EPHB1: variants seen among roughly 807,000 people sequenced by gnomAD.
EPHB1 encodes the protein ephrin type-B receptor 1.
In EPHB1, 30 loss-of-function variants were observed where a neutral mutation model predicts 94.4. The ratio of observed to expected loss-of-function variants is 0.32; its 90% CI spans 0.24 to 0.43. The LOEUF is 0.43. Ranked by LOEUF, EPHB1 falls within the 20% of genes least tolerant of loss-of-function variation. The probability of loss-of-function intolerance (pLI) is 1.00; values close to 1 mark genes in which losing one functional copy is unlikely to be tolerated. For missense variants in EPHB1, 1,055 were observed against 1,308.3 expected, an observed-to-expected ratio of 0.81 and a Z score of 2.99; for synonymous variants, 522 against 489.1, an observed-to-expected ratio of 1.07 and a Z score of -0.89.
intron 3 of EPHB1, among the ~76,000 whole-genome samples, chr3:135,091,491 A>G (rs1938549187): frequency 6.6e-6 from 1 of 152,170 alleles, no homozygotes; most frequent in African/African-American, 2.4e-5. Context: ...TTGATTAGCA[A>G]TGTCTGCCAC....
At chr3:134,845,467 T>C (rs766944410) in intron 1 of EPHB1, among the ~76,000 whole-genome samples, 21 of 152,336 alleles carry the variant, frequency 1.4e-4, no homozygotes, top group Middle Eastern at 3.4e-3. Context: ...AAAAAATAAC[T>C]TGCAAAGCTG....
chr3:135,081,293 A>C (rs570542305), intron 3 of EPHB1, among the ~76,000 whole-genome samples: 249 of 152,318 alleles, frequency 1.6e-3, no homozygotes, highest in African/African-American at 4.9e-3. Flanking sequence ...TAGAAAAAAA[A>C]CCTGTGTATT....
chr3:135,111,040 A>T (rs1034504641), intron 4 of EPHB1, among the ~76,000 whole-genome samples: 1 of 152,170 alleles, frequency 6.6e-6, no homozygotes, highest in Non-Finnish European at 1.5e-5. Flanking sequence ...ACAGAAACAG[A>T]ATGACGTCCT....
At chr3:135,046,237 A>G (rs566228406) in intron 3 of EPHB1, among the ~76,000 whole-genome samples, 2 of 152,250 alleles carry the variant, frequency 1.3e-5, no homozygotes, top group Non-Finnish European at 2.9e-5. Flanking sequence ...AGACCAAAAA[A>G]GTTTGAGAAC....
chr3:135,203,424 G>A (rs762717857), intron 12 of EPHB1, among the ~76,000 whole-genome samples: 1 of 151,988 alleles, frequency 6.6e-6, no homozygotes, highest in South Asian at 2.1e-4. Context: ...TTAAAAAAAA[G>A]AATAAAAAAT....
rs1424213544 is a variant in EPHB1 at position 135,076,260 on chromosome 3, T to TATATATATATAA, written c.806-30187_806-30186insTATATATATAAA. Among the ~76,000 whole-genome samples, 106 of 104,332 alleles carry TATATATATATAA rather than the reference T, an allele frequency of 1.0e-3. 4 individuals carry two copies. The highest frequency in any genetic ancestry group is 3.7e-3 in the African/African-American group (102 of 27,632). 68.4% of individuals were successfully genotyped at this position (104,332 alleles called of 152,430 possible). Reference sequence around the variant, plus strand: ...ATATATATATATATATATATATATATAACTCTTAAATGCATTAGTAAAAAG... The same window carrying TATATATATATAA: ...ATATATATATATATATATATATATATATATATATATAAAACTCTTAAATGCATTAGTAAAAAG... On this transcript the variant is annotated intron_variant, in intron 3 of 15. Coordinates refer to ENST00000398015, the MANE Select transcript of EPHB1 (RefSeq NM_004441.5).
intron 1 of EPHB1, among the ~76,000 whole-genome samples, chr3:134,814,856 C>T (rs1046115362): frequency 1.3e-5 from 2 of 152,188 alleles, no homozygotes; most frequent in Admixed American, 1.3e-4. Flanking sequence ...TTTGGTGTCA[C>T]CACTCGGTGT....
At chr3:135,113,268 G>A (rs186678387) in intron 4 of EPHB1, among the ~76,000 whole-genome samples, 2 of 152,292 alleles carry the variant, frequency 1.3e-5, no homozygotes, top group African/African-American at 4.8e-5. Context: ...CATCAGGAAG[G>A]GTCAGCGTTG....
intron 5 of EPHB1, among the ~76,000 whole-genome samples, chr3:135,144,645 C>A (rs1359052478): frequency 6.6e-6 from 1 of 152,158 alleles, no homozygotes; most frequent in Admixed American, 6.5e-5. Flanking sequence ...CCTCAACCCC[C>A]ACCTGTCACC....
chr3:134,809,447 A>G (rs1342954195), intron 1 of EPHB1, among the ~76,000 whole-genome samples: 2 of 152,086 alleles, frequency 1.3e-5, no homozygotes, highest in African/African-American at 4.8e-5. Flanking sequence ...TTTCCCAATC[A>G]GGAGAAAGTA....
chr3:135,253,316 G>C (rs1219419400), intron 15 of EPHB1, among the ~76,000 whole-genome samples: 1 of 150,966 alleles, frequency 6.6e-6, no homozygotes, highest in Non-Finnish European at 1.5e-5. Context: ...GTAATGCCTA[G>C]GTTTTCTTCT....
chr3:135,204,641 CAG>C (rs1942848715), intron 12 of EPHB1, among the ~76,000 whole-genome samples: 1 of 151,662 alleles, frequency 6.6e-6, no homozygotes, highest in African/African-American at 2.4e-5. Context: ...GCTGGGACTA[CAG>C]ATGTGCGCCA....
intron 5 of EPHB1, among the ~76,000 whole-genome samples, chr3:135,150,316 G>A (rs1278584363): frequency 6.6e-6 from 1 of 152,212 alleles, no homozygotes; most frequent in African/African-American, 2.4e-5. Flanking sequence ...TGCAGTGGAA[G>A]GAAAGAACTG....
intron 3 of EPHB1, among the ~76,000 whole-genome samples, chr3:135,050,471 C>T (rs1029255289): frequency 2.0e-5 from 3 of 152,134 alleles, no homozygotes; most frequent in African/African-American, 7.2e-5. Flanking sequence ...GCATTGTCTT[C>T]CTGGTGCTCA....
At chr3:135,158,736 CTT>C (rs1243317731) in intron 6 of EPHB1, among the ~76,000 whole-genome samples, 1 of 152,188 alleles carries the variant, frequency 6.6e-6, no homozygotes, top group African/African-American at 2.4e-5. Context: ...ATCATTCTCT[CTT>C]GTTTACTGTC....
At chr3:134,917,285 C>A (rs2038595435) in intron 1 of EPHB1, among the ~76,000 whole-genome samples, 3 of 152,218 alleles carry the variant, frequency 2.0e-5, no homozygotes. Flanking sequence ...CTGGGCTGGG[C>A]AGGTAGGGTA....
chr3:135,039,915 G>C (rs1397466917), intron 3 of EPHB1, among the ~76,000 whole-genome samples: 1 of 152,206 alleles, frequency 6.6e-6, no homozygotes, highest in Non-Finnish European at 1.5e-5. Flanking sequence ...CAAAGTGGGA[G>C]CCCAGGCAGG....
intron 3 of EPHB1, among the ~76,000 whole-genome samples, chr3:135,103,374 G>A (rs1489623356): frequency 6.6e-6 from 1 of 152,066 alleles, no homozygotes; most frequent in African/African-American, 2.4e-5. Flanking sequence ...TTGGGTTCCA[G>A]GATTTATTTG....
chr3:134,809,381 T>A (rs1015596559), intron 1 of EPHB1, among the ~76,000 whole-genome samples: 1 of 149,820 alleles, frequency 6.7e-6, no homozygotes, highest in South Asian at 2.1e-4. Context: ...TTTTTTTTTT[T>A]TAAAAAAACA....
Sources: gnomAD v4.1 joint callset for allele counts (sites outside exome capture counted in the v4.1 genomes callset) on GRCh38, gnomAD v4.1.1 for gene constraint, MANE v1.5 for transcripts, NCBI Gene and HGNC (gene_info 2026-07-23, HGNC 2026-07-21) for gene names.